DMPK: variants seen among roughly 807,000 people sequenced by gnomAD.
DMPK encodes the protein myotonin-protein kinase.
Under a neutral mutation model 70.3 loss-of-function variants are expected in DMPK, and 32 were observed. The observed-to-expected ratio is 0.46, with a 90% CI of 0.34 to 0.61. DMPK has a LOEUF of 0.61. DMPK is among the 20% of genes least tolerant of loss of function. The probability of loss-of-function intolerance (pLI) is 0.01; values close to 1 mark genes in which losing one functional copy is unlikely to be tolerated. For missense variants in DMPK, 899 were observed against 886.0 expected (o/e 1.01, Z -0.19); for synonymous variants, 469 against 390.9 (o/e 1.20, Z -2.36).
Position 45,779,497 on chromosome 19 carries a change from G to A in DMPK, c.278C>T (p.Thr93Met), listed in dbSNP as rs760175683. The A allele has an allele frequency of 7.4e-6, 12 of 1,613,686 alleles. No individual in the cohort carries two copies. In the Admixed American group the frequency reaches 1.0e-4, roughly 13 times the overall value. ...SEVAVVKMKQ[T>M]GQVYAMKIMN... is the part of the protein sequence containing the mutation. ...GATCTTCATGGCATACACCTGGCCC[G>A]TCTGCTTCATCTTCACTACCGCTAC... The change falls in exon 3 of 15, where the codon ACG (threonine) becomes ATG (methionine). Residue 93 changes from threonine (T) to methionine (M), a missense_variant. Transcript: ENST00000291270.
At chr19:45,780,207 C>T (rs1016972779) in intron 1 of DMPK, 178 of 1,471,932 alleles carry the variant, frequency 1.2e-4, no homozygotes, top group Non-Finnish European at 2.7e-5. Context: ...AGACCCAGTT[C>T]TTCCACCTTC....
chr19:45,771,740 TCCCGGCCCCGGC>T lies in DMPK; in HGVS notation c.1502+19_1502+30del, dbSNP rs372053831. 3.9e-5 allele frequency: 63 copies of T among 1,597,550 alleles called. No individual in the cohort carries two copies. In the East Asian group the frequency reaches 5.9e-4, roughly 15 times the overall value. ...TGCCAAGGGTTGCCACCGGCCCGCA[TCCCGGCCCCGGC>T]CCCGGCCCCGATCCCGACCTGGCGA... is the stretch of plus-strand genomic sequence containing the variant. On this transcript the variant is annotated intron_variant, in intron 11 of 14. Coordinates refer to ENST00000291270, the MANE Select transcript of DMPK (RefSeq NM_004409.5).
chr19:45,779,901 G>A (rs1461340482), intron 1 of DMPK, 32 bp from the exon 2 acceptor site: 3 of 1,613,652 alleles, frequency 1.9e-6, no homozygotes, highest in Non-Finnish European at 2.5e-6. Flanking sequence ...AGAACCGAGG[G>A]TCACCAGAAA....
chr19:45,776,507 A>C (rs957290839), intron 8 of DMPK, among the ~76,000 whole-genome samples: 6 of 152,070 alleles, frequency 3.9e-5, no homozygotes, highest in Non-Finnish European at 5.9e-5. Context: ...TCCGTTGCCC[A>C]GGCTGGAGTG....
intron 8 of DMPK, among the ~76,000 whole-genome samples, chr19:45,776,451 C>T (rs1163602774): frequency 1.3e-5 from 2 of 151,234 alleles, no homozygotes; most frequent in African/African-American, 4.9e-5. Context: ...CCAGCCCAGC[C>T]TATTTTTTAA....
At chr19:45,780,933 AGACC>A (rs1970080265) in intron 1 of DMPK, among the ~76,000 whole-genome samples, 1 of 152,052 alleles carries the variant, frequency 6.6e-6, no homozygotes, top group African/African-American at 2.4e-5. Context: ...CGGGAGCGCC[AGACC>A]CCTACCCCAC....
intron 1 of DMPK, among the ~76,000 whole-genome samples, chr19:45,781,261 G>A (rs1405704889): frequency 6.6e-6 from 1 of 152,226 alleles, no homozygotes; most frequent in Non-Finnish European, 1.5e-5. Flanking sequence ...AGGGCCAGAG[G>A]GGCAGGGTGC....
rs999563080 is a variant in DMPK, at chr19:45,777,581, A to G, written c.892T>C (p.Ser298Pro). 4 of 1,613,296 alleles carry G rather than the reference A, an allele frequency of 2.5e-6. No individual in the cohort carries two copies. In the Admixed American group the frequency reaches 6.7e-5, roughly 27 times the overall value. ...ACCCCTTCGTCCACCAGCGGCAGAG[A>G]GAGGTGCTCCTGCTCAGAGGGAGAG... Reference protein sequence around the residue: ...GKIVHYKEHLSLPLVDEGVPE... With the variant: ...GKIVHYKEHLPLPLVDEGVPE... Residue 298 changes from serine to proline, a missense_variant, in exon 8 of 15, where the codon TCT becomes CCT. Around this residue, in one of 3 missense-constraint regions of DMPK, gnomAD observed 555 missense variants for 483.8 expected, o/e 1.15. Coordinates refer to ENST00000291270, the MANE Select transcript of DMPK (RefSeq NM_004409.5). The surrounding 1 kb of genome is among the most constrained non-coding windows in gnomAD (Gnocchi z 6.7).
intron 14 of DMPK, 31 bp from the exon 15 acceptor site, chr19:45,770,671 C>T: frequency 1.3e-6 from 2 of 1,546,448 alleles, no homozygotes; most frequent in East Asian, 2.4e-5. Context: ...CAACACCCGG[C>T]ATGGGCCTCT....
At position 45,778,495 on chromosome 19, in the gene DMPK, G is replaced by A; in HGVS notation, c.579C>T (p.His193=). Residue 193 remains histidine (H), a splice_region_variant and synonymous_variant, in exon 5 of 15, where the codon CAC becomes CAT. Coordinates refer to ENST00000291270, the MANE Select transcript of DMPK (RefSeq NM_004409.5). The part of the protein sequence containing the change: ...IDSVHRLGYV[H]RDIKPDNILL... ...CCCCTCGGCCATGCTGCACCCACCTGTGCACGTAGCCAAGCCGGTGCACCG... is the reference window on the plus strand; with the variant it reads ...CCCCTCGGCCATGCTGCACCCACCTATGCACGTAGCCAAGCCGGTGCACCG... The A allele has an allele frequency of 2.5e-6, 4 of 1,613,668 alleles. No homozygotes were observed. The highest frequency in any genetic ancestry group is 3.4e-6 in the Non-Finnish European group (4 of 1,179,980).
intron 10 of DMPK, 59 bp from the exon 11 acceptor site, chr19:45,771,987 G>A (rs499726): frequency 6.7e-7 from 1 of 1,489,958 alleles, no homozygotes; most frequent in Admixed American, 2.3e-5. Flanking sequence ...CAGGACTTGG[G>A]CACTGGTTCC....
rs1970179686 is a variant in DMPK at position 45,782,427 on chromosome 19, C to A, written c.-75G>T. 7.0e-7 allele frequency: 1 copy of A among 1,421,660 alleles called. No individual in the cohort carries two copies. Among genetic ancestry groups the A allele is most frequent in the South Asian group, 1.4e-5 (1 of 69,600 alleles). The allele number at this position is 1,421,660 out of a possible 1,614,324, so 88.1% of individuals were successfully genotyped here. ...CTCCTGTCACAGGGCCTGGCAGCCCCTGTCCAGGCCCTGGAGCCCTGGCTG... is the reference window on the plus strand; with the variant it reads ...CTCCTGTCACAGGGCCTGGCAGCCCATGTCCAGGCCCTGGAGCCCTGGCTG... On this transcript the variant is annotated 5_prime_UTR_variant, in exon 1 of 15. The change creates a new upstream start codon in the 5' untranslated region. Transcript: ENST00000291270.
At chr19:45,779,707 T>C (rs905587872) in intron 2 of DMPK, 71 bp downstream of exon 2, 4 of 1,529,598 alleles carry the variant, frequency 2.6e-6, no homozygotes, top group Non-Finnish European at 3.5e-6. Flanking sequence ...CATCAATTTC[T>C]AAGGCCCCGC....
At chr19:45,778,076 C>G (rs1009178093) in intron 6 of DMPK, 51 bp downstream of exon 6, 13 of 1,477,084 alleles carry the variant, frequency 8.8e-6, no homozygotes, top group South Asian at 4.7e-5. Flanking sequence ...TCTGTGCCTT[C>G]CATCCCTCAT....
At chr19:45,770,831 C>A in intron 14 of DMPK, 140 bp downstream of exon 14, 1 of 957,746 alleles carries the variant, frequency 1.0e-6, no homozygotes, top group Non-Finnish European at 1.5e-6. Context: ...TGCTTCCTAG[C>A]GGCCTGTGTT....
chr19:45,779,562 AAAC>A, intron 2 of DMPK, 40 bp from the exon 3 acceptor site: 2 of 1,611,700 alleles, frequency 1.2e-6, no homozygotes, highest in African/African-American at 1.3e-5. Context: ...GACGGCGGGA[AAAC>A]AAAAGGGCTC....
intron 10 of DMPK, chr19:45,772,341 G>C (rs1405308821): frequency 5.4e-6 from 2 of 371,336 alleles, no homozygotes; most frequent in African/African-American, 2.1e-5. Context: ...CAAGGCCTTT[G>C]CCCTGGAGGC....
In DMPK at chr19:45,777,330, G is replaced by GC; in HGVS notation, c.1142dup (p.Gly382ArgfsTer33). 1 of 1,567,862 alleles carries GC rather than the reference G, an allele frequency of 6.4e-7. No homozygotes were observed. Among genetic ancestry groups the GC allele is most frequent in the African/African-American group, 1.4e-5 (1 of 74,048 alleles). ...AGCAGGGGCCACAGGTACCTACCCC[G>GC]CCCCCGCTCACCATGGCAGTGAGCC... is the stretch of plus-strand genomic sequence containing the variant. On this transcript the variant is annotated frameshift_variant, in exon 8 of 15. Transcript: ENST00000291270. LOFTEE classifies it high-confidence loss of function. This position sits in a 1 kb window ranked among gnomAD's most constrained non-coding sequence, Gnocchi z 6.7.
chr19:45,770,419 G>T lies in DMPK; in HGVS notation c.*69C>A. 1 of 1,529,016 alleles carries T rather than the reference G, an allele frequency of 6.5e-7. No individual in the cohort carries two copies. Among genetic ancestry groups the T allele is most frequent in the Non-Finnish European group, 8.9e-7 (1 of 1,129,618 alleles). The allele number at this position is 1,529,016 out of a possible 1,614,324, so 94.7% of individuals were successfully genotyped here. On this transcript the variant is annotated 3_prime_UTR_variant, in exon 15 of 15. Transcript: ENST00000291270. Reference sequence around the variant, plus strand: ...TTGTGAACTGGCAGGCGGTGGGCGCGGCTTCTGTGCCGTGCCCCGGGCACT... The same window carrying T: ...TTGTGAACTGGCAGGCGGTGGGCGCTGCTTCTGTGCCGTGCCCCGGGCACT...
Sources: gnomAD v4.1 joint callset for allele counts (sites outside exome capture counted in the v4.1 genomes callset) on GRCh38, gnomAD v4.1.1 for gene constraint, gnomAD v4.1.1 regional missense constraint, Gnocchi (gnomAD v3.1) non-coding constraint, MANE v1.5 for transcripts, NCBI Gene and HGNC (gene_info 2026-07-23, HGNC 2026-07-21) for gene names.